The following EQTN variants were observed in gnomAD, a reference collection of about 807,000 sequenced individuals.
The protein encoded by EQTN is equatorin, also known as Acrosome formation associated factor.
Under a neutral mutation model 26.9 loss-of-function variants are expected in EQTN, and 29 were observed. The observed-to-expected ratio is 1.08, with a 90% confidence interval of 0.80 to 1.47. The LOEUF (loss-of-function observed/expected upper bound fraction) is 1.47. EQTN is among the 40% of genes most tolerant of loss of function. The pLI, the probability that EQTN is intolerant of heterozygous loss-of-function variation, is 0.00. For missense variants in EQTN, 391 were observed against 346.1 expected, an observed-to-expected ratio of 1.13 and a Z score of -1.03; for synonymous variants, 129 against 120.0, an observed-to-expected ratio of 1.07 and a Z score of -0.49.
intron 4 of EQTN, 64 bp downstream of exon 4, chr9:27,292,337 C>T (rs764664576): frequency 1.2e-5 from 13 of 1,124,362 alleles, no homozygotes; most frequent in Non-Finnish European, 1.7e-5. Flanking sequence ...AGTAGTGAAA[C>T]TTAAATTTTT....
At chr9:27,288,809 C>G (rs1820170256) in intron 6 of EQTN, among the ~76,000 whole-genome samples, 1 of 152,106 alleles carries the variant, frequency 6.6e-6, no homozygotes, top group African/African-American at 2.4e-5. Flanking sequence ...AAAGGCAAAA[C>G]TATAGCGATA....
Position 27,284,799 on chromosome 9 carries a change from G to T in EQTN, c.809C>A (p.Ser270Tyr), listed in dbSNP as rs1820082836. 1 of 1,614,066 alleles carries T rather than the reference G, an allele frequency of 6.2e-7. No individual in the cohort carries two copies. Among genetic ancestry groups the T allele is most frequent in the Non-Finnish European group, 8.5e-7 (1 of 1,179,986 alleles). The change falls in exon 8 of 8, where the codon TCT becomes TAT. Residue 270 changes from serine (S) to tyrosine (Y), a missense_variant. Transcript: ENST00000380032. ...MRRSGTRTSE[S>Y]KIMTDIISIG... ...GGAAATGATATCCGTCATTATCTTA[G>T]ATTCTGATGTTCTTGTGCCTGATCT...
chr9:27,286,558 C>T (rs1820129074), intron 6 of EQTN, among the ~76,000 whole-genome samples, 196 bp from the exon 7 acceptor site: 6 of 152,236 alleles, frequency 3.9e-5, no homozygotes, highest in Admixed American at 3.9e-4. Context: ...CCTCTTTAAC[C>T]TTCACAGCAA....
At chr9:27,289,972 T>C (rs1820198434) in intron 5 of EQTN, among the ~76,000 whole-genome samples, 1 of 152,226 alleles carries the variant, frequency 6.6e-6, no homozygotes, top group Non-Finnish European at 1.5e-5. Context: ...CATCAACTGA[T>C]AAATAAATAA....
At chr9:27,287,988 C>A (rs937329630) in intron 6 of EQTN, among the ~76,000 whole-genome samples, 3 of 152,028 alleles carry the variant, frequency 2.0e-5, no homozygotes, top group Non-Finnish European at 4.4e-5. Context: ...GTATTTTTAA[C>A]AGAGACGGGG....
At chr9:27,296,846 A>G in intron 1 of EQTN, 108 bp from the exon 2 acceptor site, 1 of 1,559,314 alleles carries the variant, frequency 6.4e-7, no homozygotes, top group South Asian at 1.2e-5. Flanking sequence ...AGAGATTTAA[A>G]ATCTAAAACA....
chr9:27,291,479 A>T (rs1820233539), intron 4 of EQTN, among the ~76,000 whole-genome samples: 1 of 152,224 alleles, frequency 6.6e-6, no homozygotes, highest in South Asian at 2.1e-4. Context: ...GCAAACGCAC[A>T]ATCGTAAGCA....
At chr9:27,289,787 C>T (rs1198740612) in intron 5 of EQTN, 56 bp from the exon 6 acceptor site, 13 of 1,426,926 alleles carry the variant, frequency 9.1e-6, no homozygotes, top group African/African-American at 1.4e-5. Flanking sequence ...AAATTATTGC[C>T]TGTGTATGTA....
rs1554641207 is a variant in EQTN, at chr9:27,292,419, A to G, written c.358T>C (p.Ser120Pro). Reference sequence around the variant, plus strand: ...TAAATACTTTGAATATTTTTATGAGAGGGTTCGCTAGTAGTTGTTTCTTCT... The same window carrying G: ...TAAATACTTTGAATATTTTTATGAGGGGGTTCGCTAGTAGTTGTTTCTTCT... ...IEEETTTSEP[S>P]HKNIQRSTPN... is the part of the protein sequence containing the mutation. The change falls in exon 4 of 8, where the codon TCT (serine) becomes CCT (proline). Residue 120 changes from serine (S) to proline (P), a missense_variant. Transcript: ENST00000380032. 6.2e-7 allele frequency: 1 copy of G among 1,603,770 alleles called. No individual in the cohort carries two copies. The highest frequency in any genetic ancestry group is 2.2e-5 in the East Asian group (1 of 44,554).
At chr9:27,296,883 T>A in intron 1 of EQTN, 97 bp downstream of exon 1, 1 of 1,559,856 alleles carries the variant, frequency 6.4e-7, no homozygotes, top group East Asian at 2.3e-5. Flanking sequence ...ATAAAGTTTA[T>A]ATCCTCCTGT....
chr9:27,286,809 C>T (rs769560554), intron 6 of EQTN, among the ~76,000 whole-genome samples: 5 of 152,170 alleles, frequency 3.3e-5, no homozygotes, highest in Non-Finnish European at 7.4e-5. Flanking sequence ...TCTAGTGCTG[C>T]GTCATACACT....
chr9:27,287,348 GAATA>G (rs1820143276), intron 6 of EQTN, among the ~76,000 whole-genome samples: 2 of 152,116 alleles, frequency 1.3e-5, no homozygotes, highest in East Asian at 3.8e-4. Context: ...GTTATTTTGG[GAATA>G]ATTAAACAAA....
At chr9:27,291,882 C>T (rs1413791349) in intron 4 of EQTN, among the ~76,000 whole-genome samples, 1 of 152,048 alleles carries the variant, frequency 6.6e-6, no homozygotes, top group Admixed American at 6.6e-5. Context: ...GGAGAGCCAT[C>T]CTGGGTTGTT....
chr9:27,286,315 CCT>C lies in EQTN; in HGVS notation c.527_528del (p.Glu176GlyfsTer26). Reference protein sequence around the residue: ...ATQGENQPDLEDLKIKIMLGI... With the variant: ...ATQGENQPDLXDLKIKIMLGI... ...CCCAGCATTATTTTGATCTTCAGAT[CCT>C]CTAGATCTGGCTGATTTTCTCCCTG... On this transcript the variant is annotated frameshift_variant, in exon 7 of 8. Transcript: ENST00000380032. LOFTEE classifies it high-confidence loss of function. 6.2e-7 allele frequency: 1 copy of C among 1,607,596 alleles called. No individual in the cohort carries two copies. The highest frequency in any genetic ancestry group is 8.5e-7 in the Non-Finnish European group (1 of 1,176,856).
At chr9:27,285,479 C>G (rs564941471) in intron 7 of EQTN, among the ~76,000 whole-genome samples, 1 of 152,232 alleles carries the variant, frequency 6.6e-6, no homozygotes, top group Admixed American at 6.5e-5. Flanking sequence ...CTATGTAACA[C>G]TTTGAAGCAT....
chr9:27,294,317 G>T lies in EQTN; in HGVS notation c.288C>A (p.Asn96Lys), dbSNP rs149742821. 21 of 1,605,366 alleles carry T rather than the reference G, an allele frequency of 1.3e-5. No individual in the cohort carries two copies. Among genetic ancestry groups the T allele is most frequent in the Non-Finnish European group, 1.7e-5 (20 of 1,174,450 alleles). The stretch of plus-strand genomic sequence containing the variant: ...GCAATGGTGCCTTTCACTTCTTACC[G>T]TTTTTTAGAGCAAAATTCAGGTCAG... ...ATTDLNFALK[N>K]DKTVNATTYE... Residue 96 changes from asparagine (N) to lysine (K), a missense_variant and splice_region_variant, in exon 3 of 8, where the codon AAC becomes AAA. Physicochemically the swap from Asn to Lys is moderately conservative, Grantham distance 94 (BLOSUM62 0). Coordinates refer to ENST00000380032, the MANE Select transcript of EQTN (RefSeq NM_020641.3).
At chr9:27,294,240 C>A (rs1222029842) in intron 3 of EQTN, 76 bp downstream of exon 3, 14 of 978,678 alleles carry the variant, frequency 1.4e-5, no homozygotes, top group Non-Finnish European at 3.1e-6. Flanking sequence ...CTTTTCTCCC[C>A]AACAGTCTCT....
chr9:27,296,523 G>A (rs1305052474), intron 2 of EQTN, 90 bp downstream of exon 2: 5 of 912,732 alleles, frequency 5.5e-6, no homozygotes, highest in Non-Finnish European at 8.1e-6. Flanking sequence ...CAAATACAGG[G>A]GGAAATGATG....
At chr9:27,296,793 C>G in intron 1 of EQTN, 55 bp from the exon 2 acceptor site, 2 of 1,579,998 alleles carry the variant, frequency 1.3e-6, no homozygotes, top group South Asian at 1.2e-5. Context: ...TCTTTTACTG[C>G]TTTCTTTTTC....
Sources: gnomAD v4.1 joint callset for allele counts (sites outside exome capture counted in the v4.1 genomes callset) on GRCh38, gnomAD v4.1.1 for gene constraint, MANE v1.5 for transcripts, NCBI Gene and HGNC (gene_info 2026-07-23, HGNC 2026-07-21) for gene names.